Variants in SUMF1 observed in about 807,000 individuals in gnomAD.
SUMF1 encodes the protein sulfatase modifying factor 1, also known as formylglycine-generating enzyme.
SUMF1 carries 48 observed loss-of-function variants against 47.6 expected under a neutral mutation model. The observed-to-expected ratio is 1.01, with a 90% CI of 0.80 to 1.28. The LOEUF (loss-of-function observed/expected upper bound fraction) is 1.28. SUMF1 is among the 50% of genes most tolerant of loss of function. The probability of loss-of-function intolerance (pLI) is 0.00; values close to 1 mark genes in which losing one functional copy is unlikely to be tolerated. For missense variants in SUMF1, 571 were observed against 485.4 expected, an observed-to-expected ratio of 1.18 and a Z score of -1.66; for synonymous variants, 230 against 192.1, an observed-to-expected ratio of 1.20 and a Z score of -1.63.
intron 8 of SUMF1, among the ~76,000 whole-genome samples, chr3:4,177,896 G>C (rs541873158): frequency 6.6e-6 from 1 of 152,272 alleles, no homozygotes; most frequent in East Asian, 1.9e-4. Context: ...TCTACCATCA[G>C]AGAATACTAT....
chr3:4,044,248 T>A (rs1196733459), intron 9 of SUMF1, among the ~76,000 whole-genome samples: 2 of 152,166 alleles, frequency 1.3e-5, no homozygotes, highest in East Asian at 1.9e-4. Flanking sequence ...CCTCCTTTCC[T>A]TGCTGTGAAA....
At chr3:4,427,588 G>A (rs1702107230) in intron 3 of SUMF1, among the ~76,000 whole-genome samples, 1 of 152,208 alleles carries the variant, frequency 6.6e-6, no homozygotes, top group South Asian at 2.1e-4. Flanking sequence ...GTACCCTGAT[G>A]ACTTAATAGA....
At chr3:4,101,173 T>TA (rs149418514) in intron 8 of SUMF1, among the ~76,000 whole-genome samples, 2 of 151,722 alleles carry the variant, frequency 1.3e-5, no homozygotes, top group Non-Finnish European at 2.9e-5. Context: ...ATCAGTATGT[T>TA]AAAAAAAAGT....
chr3:4,162,171 T>A (rs756443095), intron 8 of SUMF1, among the ~76,000 whole-genome samples: 3 of 152,146 alleles, frequency 2.0e-5, no homozygotes, highest in Admixed American at 6.5e-5. Context: ...GTGGCTGAGC[T>A]GATATCCAAG....
chr3:4,335,391 T>C (rs899540895), intron 8 of SUMF1, among the ~76,000 whole-genome samples: 10 of 152,212 alleles, frequency 6.6e-5, no homozygotes, highest in African/African-American at 2.4e-4. Flanking sequence ...CAATTAACTT[T>C]GACCTACAGC....
intron 7 of SUMF1, among the ~76,000 whole-genome samples, chr3:4,392,066 G>A (rs1290523061): frequency 1.1e-4 from 16 of 152,136 alleles, no homozygotes; most frequent in Admixed American, 8.5e-4. Flanking sequence ...AGGCTCAAGC[G>A]ATCCACTCGC....
intron 8 of SUMF1, among the ~76,000 whole-genome samples, chr3:4,295,149 G>C (rs573644546): frequency 6.6e-6 from 1 of 151,922 alleles, no homozygotes; most frequent in South Asian, 2.1e-4. Context: ...TTGGTTTTTC[G>C]TTTCCATGGT....
intron 8 of SUMF1, among the ~76,000 whole-genome samples, chr3:4,169,942 G>C (rs144183504): frequency 2.0e-5 from 3 of 152,226 alleles, no homozygotes; most frequent in East Asian, 3.9e-4. Flanking sequence ...CTAAATTAAA[G>C]AGGTTCTAAA....
chr3:4,209,574 A>G (rs962612268), intron 8 of SUMF1, among the ~76,000 whole-genome samples: 13 of 152,124 alleles, frequency 8.5e-5, no homozygotes, highest in Non-Finnish European at 1.5e-4. Flanking sequence ...CCCAGACAAA[A>G]TATTATTCCA....
At chr3:4,449,467 T>C in intron 2 of SUMF1, 127 bp from the exon 3 acceptor site, 1 of 936,928 alleles carries the variant, frequency 1.1e-6, no homozygotes, top group Non-Finnish European at 1.7e-6. Flanking sequence ...TTCTTATGAC[T>C]TCCCAGAGGA....
intron 8 of SUMF1, among the ~76,000 whole-genome samples, chr3:4,151,591 G>A (rs1435811536): frequency 2.5e-5 from 3 of 120,870 alleles, no homozygotes; most frequent in South Asian, 2.6e-4. Flanking sequence ...ACACACACAT[G>A]CAAGTATATA....
At chr3:4,294,881 T>C (rs1697815342) in intron 8 of SUMF1, among the ~76,000 whole-genome samples, 1 of 116,974 alleles carries the variant, frequency 8.5e-6, no homozygotes, top group African/African-American at 3.7e-5. Flanking sequence ...ACTAACTATA[T>C]GTGTGAGGAG....
At chr3:4,193,532 T>A (rs1373224309) in intron 8 of SUMF1, among the ~76,000 whole-genome samples, 1 of 152,036 alleles carries the variant, frequency 6.6e-6, no homozygotes, top group Non-Finnish European at 1.5e-5. Flanking sequence ...ACTTGTAGAG[T>A]CTGTGCCAAC....
intron 2 of SUMF1, among the ~76,000 whole-genome samples, chr3:4,450,905 C>T (rs1702946919): frequency 6.6e-6 from 1 of 151,644 alleles, no homozygotes; most frequent in South Asian, 2.1e-4. Context: ...AGGGCTAGAA[C>T]ATAGTATACA....
intron 8 of SUMF1, among the ~76,000 whole-genome samples, chr3:4,336,181 G>A (rs998762259): frequency 1.3e-5 from 2 of 151,998 alleles, no homozygotes; most frequent in Admixed American, 1.3e-4. Context: ...GAGCATCTTT[G>A]ACCTATGATT....
chr3:4,418,300 C>T lies in SUMF1; in HGVS notation c.603-168G>A, dbSNP rs564534222. Among the ~76,000 whole-genome samples, 34 of 152,342 alleles carry T rather than the reference C, an allele frequency of 2.2e-4. No individual in the cohort carries two copies. In the South Asian group the frequency reaches 5.8e-3, roughly 26 times the overall value. ...TGCTACATCTGTCATGCTCCACCAA[C>T]GGTTTCTGACAACCCAGGCTCCCAA... On this transcript the variant is annotated intron_variant, in intron 4 of 8. Coordinates refer to ENST00000272902, the MANE Select transcript of SUMF1 (RefSeq NM_182760.4).
At chr3:4,353,815 T>C (rs958750274) in intron 8 of SUMF1, among the ~76,000 whole-genome samples, 1 of 152,048 alleles carries the variant, frequency 6.6e-6, no homozygotes, top group Admixed American at 6.5e-5. Flanking sequence ...GTCTGCCACA[T>C]CCTGAACCCT....
intron 3 of SUMF1, among the ~76,000 whole-genome samples, chr3:4,435,674 G>C (rs1702374694): frequency 6.6e-6 from 1 of 152,158 alleles, no homozygotes; most frequent in Admixed American, 6.5e-5. Context: ...ACATGTAAGA[G>C]AAGTGTTTGA....
At chr3:4,381,107 C>T (rs1219400399) in intron 7 of SUMF1, among the ~76,000 whole-genome samples, 6 of 152,142 alleles carry the variant, frequency 3.9e-5, no homozygotes, top group Admixed American at 3.9e-4. Flanking sequence ...ATGCCCAATA[C>T]ATTGACAAGG....
Sources: gnomAD v4.1 joint callset for allele counts (sites outside exome capture counted in the v4.1 genomes callset) on GRCh38, gnomAD v4.1.1 for gene constraint, MANE v1.5 for transcripts, NCBI Gene and HGNC (gene_info 2026-07-23, HGNC 2026-07-21) for gene names.